SZRD1: variants seen among roughly 807,000 people sequenced by gnomAD.
SZRD1 encodes the protein SUZ RNA-binding domain-containing.
SZRD1 carries 7 observed loss-of-function variants against 17.6 expected under a neutral mutation model. That is an observed-to-expected ratio of 0.40 (90% CI 0.23 to 0.75). The LOEUF (loss-of-function observed/expected upper bound fraction) is 0.75, where lower values mean the gene tolerates loss of function less well. Among genes scored for constraint, SZRD1 ranks in the 30% least tolerant of loss-of-function variants. SZRD1 has a pLI of 0.38. For synonymous variants in SZRD1, 77 were observed against 77.9 expected, an observed-to-expected ratio of 0.99 and a Z score of 0.06; for missense variants, 178 against 201.8, an observed-to-expected ratio of 0.88 and a Z score of 0.71.
At position 16,391,434 on chromosome 1, in the gene SZRD1, C is replaced by A. The variant is rs1387178839; in HGVS notation, c.101+10C>A. ...TCACACAAAAAGAGAGGTAAGGCTG[C>A]TGTCTGGTCTGAGGGCTCATGCTCT... On this transcript the variant is annotated intron_variant, in intron 2 of 3. Coordinates refer to ENST00000401088, the MANE Select transcript of SZRD1 (RefSeq NM_001114600.3). This position sits in a 1 kb window ranked among gnomAD's most constrained non-coding sequence, Gnocchi z 4.3. The A allele has an allele frequency of 6.5e-7, 1 of 1,547,866 alleles. No individual in the cohort carries two copies. Among genetic ancestry groups the A allele is most frequent in the Non-Finnish European group, 8.7e-7 (1 of 1,145,350 alleles).
rs768506249 is a variant in SZRD1 at position 16,395,029 on chromosome 1, TC to T, written c.357-7del. 34 of 1,567,350 alleles carry T rather than the reference TC, an allele frequency of 2.2e-5. No homozygotes were observed. Among genetic ancestry groups the T allele is most frequent in the Middle Eastern group, 1.7e-4 (1 of 5,964 alleles). On this transcript the variant is annotated splice_region_variant and splice_polypyrimidine_tract_variant and intron_variant, in intron 3 of 3. Coordinates refer to ENST00000401088, the MANE Select transcript of SZRD1 (RefSeq NM_001114600.3). Reference sequence around the variant, plus strand: ...TCTTCAGGCCTTCCTCTGCTTTTCTTCCTTTCAGGCCAACCAGGATCTCCCA... The same window carrying T: ...TCTTCAGGCCTTCCTCTGCTTTTCTTCTTTCAGGCCAACCAGGATCTCCCA...
At chr1:16,390,167 A>G (rs1206590795) in intron 1 of SZRD1, among the ~76,000 whole-genome samples, 1 of 152,230 alleles carries the variant, frequency 6.6e-6, no homozygotes, top group Non-Finnish European at 1.5e-5. Context: ...CTCACTGAGG[A>G]TGGCTGAGGG....
intron 1 of SZRD1, chr1:16,369,332 T>TA (rs2082873204): frequency 2.7e-6 from 2 of 745,818 alleles, no homozygotes; most frequent in Non-Finnish European, 4.8e-6. Context: ...ATCTTGCTCT[T>TA]ACTCCTTTCA....
intron 1 of SZRD1, among the ~76,000 whole-genome samples, chr1:16,382,395 C>T (rs1355605943): frequency 6.6e-6 from 1 of 151,918 alleles, no homozygotes; most frequent in Non-Finnish European, 1.5e-5. Flanking sequence ...ACCATGTTGG[C>T]CAGGCTGGTC....
chr1:16,382,836 C>G (rs1163964926), intron 1 of SZRD1, among the ~76,000 whole-genome samples: 1 of 151,824 alleles, frequency 6.6e-6, no homozygotes, highest in Non-Finnish European at 1.5e-5. Flanking sequence ...GCAGTGTTGT[C>G]CAACAGAAGG....
At position 16,395,412 on chromosome 1, in the gene SZRD1, G is replaced by A; in HGVS notation, c.*272G>A. 2.2e-6 allele frequency: 1 copy of A among 462,306 alleles called. No individual in the cohort carries two copies. 28.6% of individuals were successfully genotyped at this position (462,306 alleles called of 1,614,324 possible). On this transcript the variant is annotated 3_prime_UTR_variant, in exon 4 of 4. Coordinates refer to ENST00000401088, the MANE Select transcript of SZRD1 (RefSeq NM_001114600.3). ...AAGGGTGGGGGTTAGGGGAAGGTTG[G>A]GGGGACCCAGCAAGGACTCAGAGAG...
intron 2 of SZRD1, among the ~76,000 whole-genome samples, chr1:16,392,657 G>C (rs1016506190): frequency 8.5e-5 from 13 of 152,216 alleles, no homozygotes; most frequent in African/African-American, 3.1e-4. Flanking sequence ...GGTGTAGCTT[G>C]TCTCTGGGAG....
chr1:16,392,844 G>T (rs2085240275), intron 2 of SZRD1, among the ~76,000 whole-genome samples: 1 of 152,186 alleles, frequency 6.6e-6, no homozygotes, highest in African/African-American at 2.4e-5. Flanking sequence ...GTCCTACTCT[G>T]ATCTGCGTAG....
chr1:16,380,609 C>T (rs918250377), intron 1 of SZRD1, among the ~76,000 whole-genome samples: 2 of 152,178 alleles, frequency 1.3e-5, no homozygotes, highest in African/African-American at 4.8e-5. Flanking sequence ...GCTGGAATTA[C>T]AGGCATGTGC....
chr1:16,390,270 C>T (rs750073245), intron 1 of SZRD1, among the ~76,000 whole-genome samples: 12 of 152,172 alleles, frequency 7.9e-5, no homozygotes, highest in Non-Finnish European at 1.3e-4. Flanking sequence ...ACACCCCTGT[C>T]CTGGATATAG....
At position 16,393,399 on chromosome 1, in the gene SZRD1, A is replaced by C; in HGVS notation, c.273A>C (p.Arg91=). Reference sequence around the variant, plus strand: ...TTCCAGTCAAGTCCCTAGCACAGCGAGAGGCCGAGTACGCCGAGGCCCGGA... The same window carrying C: ...TTCCAGTCAAGTCCCTAGCACAGCGCGAGGCCGAGTACGCCGAGGCCCGGA... The part of the protein sequence containing the change: ...PTLPVKSLAQ[R]EAEYAEARKR... Residue 91 remains arginine, a synonymous_variant, in exon 3 of 4, where the codon CGA becomes CGC. Transcript: ENST00000401088. The surrounding 1 kb of genome is among the most constrained non-coding windows in gnomAD (Gnocchi z 5.6). The C allele has an allele frequency of 6.2e-7, 1 of 1,614,208 alleles. No individual in the cohort carries two copies. Among genetic ancestry groups the C allele is most frequent in the Non-Finnish European group, 8.5e-7 (1 of 1,180,042 alleles).
Position 16,370,870 on chromosome 1 carries a change from A to C in SZRD1, c.51+3562A>C, listed in dbSNP as rs139828322. Among the ~76,000 whole-genome samples, 12 of 152,286 alleles carry C rather than the reference A, an allele frequency of 7.9e-5. No individual in the cohort carries two copies. In the East Asian group the frequency reaches 1.5e-3, roughly 20 times the overall value. On this transcript the variant is annotated intron_variant, in intron 1 of 3. Transcript: ENST00000401088. ...TGTCTTGAATTTGATTCCCTTTTCA[A>C]ATTTCACAAAGGTTCTTGTAAATAT...
At chr1:16,377,255 A>C (rs774068184) in intron 1 of SZRD1, among the ~76,000 whole-genome samples, 153 of 152,144 alleles carry the variant, frequency 1.0e-3, no homozygotes, top group Non-Finnish European at 1.9e-3. Flanking sequence ...AAAGTCAGTA[A>C]TGCCTGGTAT....
chr1:16,391,335 G>T lies in SZRD1; in HGVS notation c.52-40G>T. ...ATAAAGACTAAGTTTTTATTTGAGA[G>T]AGATTTTTTCCTCTTTTTATATACA... is the stretch of plus-strand genomic sequence containing the variant. On this transcript the variant is annotated intron_variant, in intron 1 of 3. Transcript: ENST00000401088. The surrounding 1 kb of genome is among the most constrained non-coding windows in gnomAD (Gnocchi z 4.3). The T allele has an allele frequency of 5.6e-6, 8 of 1,423,308 alleles. No individual in the cohort carries two copies. Among genetic ancestry groups the T allele is most frequent in the Non-Finnish European group, 7.7e-6 (8 of 1,033,726 alleles). 88.2% of individuals were successfully genotyped at this position (1,423,308 alleles called of 1,614,324 possible). A position where few individuals can be genotyped will look rare whatever the true frequency, so the allele number is the denominator to read the frequency against.
chr1:16,383,565 C>T (rs2083140346), intron 1 of SZRD1, among the ~76,000 whole-genome samples: 1 of 151,502 alleles, frequency 6.6e-6, no homozygotes, highest in African/African-American at 2.4e-5. Context: ...TACAAAGAAA[C>T]AGATGAAATT....
Position 16,379,311 on chromosome 1 carries a change from G to T in SZRD1, c.51+12003G>T, listed in dbSNP as rs189923300. ...ATTTTTTGTTTTTAGTAGAGACGGGGTTTTACCATGTTAGCCAGAATGGCC... is the reference window on the plus strand; with the variant it reads ...ATTTTTTGTTTTTAGTAGAGACGGGTTTTTACCATGTTAGCCAGAATGGCC... On this transcript the variant is annotated intron_variant, in intron 1 of 3. Coordinates refer to ENST00000401088, the MANE Select transcript of SZRD1 (RefSeq NM_001114600.3). 8.7e-3 allele frequency among the ~76,000 whole-genome samples: 1,312 copies of T among 151,156 alleles called. 11 individuals carry two copies. Among genetic ancestry groups the T allele is most frequent in the Non-Finnish European group, 0.013 (891 of 67,784 alleles).
intron 1 of SZRD1, among the ~76,000 whole-genome samples, chr1:16,382,596 G>A (rs1273933859): frequency 1.3e-5 from 2 of 151,738 alleles, no homozygotes; most frequent in African/African-American, 4.8e-5. Context: ...CCGAGTTCAA[G>A]CGATTCTCCT....
At chr1:16,388,131 T>TC (rs1482127723) in intron 1 of SZRD1, among the ~76,000 whole-genome samples, 251 of 152,296 alleles carry the variant, frequency 1.6e-3, no homozygotes, top group Admixed American at 2.7e-3. Flanking sequence ...ATATATATTT[T>TC]GAGACAGAGT....
intron 1 of SZRD1, among the ~76,000 whole-genome samples, chr1:16,372,895 A>T (rs1003466230): frequency 2.0e-5 from 3 of 152,202 alleles, no homozygotes; most frequent in African/African-American, 7.2e-5. Flanking sequence ...AGGAAGAGGC[A>T]TAAGTGGGGT....
Sources: allele counts gnomAD v4.1 joint callset (sites outside exome capture counted in the v4.1 genomes callset), GRCh38; gene constraint gnomAD v4.1.1; non-coding constraint Gnocchi (gnomAD v3.1); transcripts MANE v1.5; gene names NCBI Gene and HGNC (gene_info 2026-07-23, HGNC 2026-07-21).